The following CYB5A variants were observed in gnomAD, a reference collection of about 807,000 sequenced individuals.
CYB5A encodes cytochrome b5 type A.
In CYB5A, 10 loss-of-function variants were observed where a neutral mutation model predicts 16.2. The ratio of observed to expected loss-of-function variants is 0.62; its 90% CI spans 0.38 to 1.04. The LOEUF is 1.04. Among genes scored for constraint, CYB5A ranks in the 50% least tolerant of loss-of-function variants. The pLI is 0.01. For synonymous variants in CYB5A, 62 were observed against 57.0 expected (o/e 1.09, Z -0.40); for missense variants, 161 against 165.9 (o/e 0.97, Z 0.16).
At chr18:74,281,436 C>G (rs923631378) in intron 1 of CYB5A, among the ~76,000 whole-genome samples, 1 of 151,958 alleles carries the variant, frequency 6.6e-6, no homozygotes, top group Non-Finnish European at 1.5e-5. Flanking sequence ...ATAAGGAGGT[C>G]GGACAGAAGA....
At chr18:74,261,904 C>T (rs1220024363) in intron 2 of CYB5A, among the ~76,000 whole-genome samples, 3 of 152,072 alleles carry the variant, frequency 2.0e-5, no homozygotes, top group Non-Finnish European at 2.9e-5. Flanking sequence ...GGTCTTTGTC[C>T]CCTTCTGGCG....
intron 1 of CYB5A, chr18:74,291,156 C>T (rs1344355118): frequency 5.3e-6 from 1 of 189,994 alleles, no homozygotes; most frequent in East Asian, 1.6e-4. Context: ...TCCCCTCCGG[C>T]GGGATCCGCA....
chr18:74,265,318 TAC>T (rs1031530315), intron 1 of CYB5A, among the ~76,000 whole-genome samples: 1 of 152,080 alleles, frequency 6.6e-6, no homozygotes, highest in South Asian at 2.1e-4. Flanking sequence ...GAGCCAGACA[TAC>T]ACACACACGT....
intron 1 of CYB5A, among the ~76,000 whole-genome samples, chr18:74,267,958 T>C (rs916784795): frequency 2.0e-5 from 3 of 152,204 alleles, no homozygotes; most frequent in East Asian, 1.9e-4. Context: ...GAAGTGGGGA[T>C]GGGCATGGAG....
intron 1 of CYB5A, among the ~76,000 whole-genome samples, chr18:74,290,000 T>A (rs915198810): frequency 1.3e-5 from 2 of 152,172 alleles, no homozygotes; most frequent in East Asian, 3.8e-4. Flanking sequence ...TATTCTCTTA[T>A]GCTACTTCTT....
At chr18:74,288,183 G>A (rs897017103) in intron 1 of CYB5A, among the ~76,000 whole-genome samples, 6 of 152,202 alleles carry the variant, frequency 3.9e-5, no homozygotes, top group African/African-American at 1.4e-4. Context: ...TATTTCAGGA[G>A]GTCGGAGCAC....
chr18:74,270,762 CCTT>C (rs1258003592), intron 1 of CYB5A, among the ~76,000 whole-genome samples: 7 of 152,136 alleles, frequency 4.6e-5, no homozygotes, highest in Admixed American at 4.6e-4. Flanking sequence ...AATACTACAT[CCTT>C]CTACATCAGG....
At chr18:74,253,922 T>C (rs1318410120) in intron 4 of CYB5A, among the ~76,000 whole-genome samples, 1 of 152,238 alleles carries the variant, frequency 6.6e-6, no homozygotes, top group Non-Finnish European at 1.5e-5. Context: ...CTCACGCCTG[T>C]AATCCCAGCA....
chr18:74,266,787 T>C (rs1982452852), intron 1 of CYB5A, among the ~76,000 whole-genome samples: 1 of 151,026 alleles, frequency 6.6e-6, no homozygotes, highest in African/African-American at 2.4e-5. Flanking sequence ...CATCTTGGAT[T>C]ATATTGGTTT....
chr18:74,279,311 T>C (rs1982999943), intron 1 of CYB5A, among the ~76,000 whole-genome samples: 1 of 152,218 alleles, frequency 6.6e-6, no homozygotes, highest in African/African-American at 2.4e-5. Flanking sequence ...GCGGATCACC[T>C]GAGGTCAGGA....
At chr18:74,276,527 A>AGCACAC (rs1555689977) in intron 1 of CYB5A, among the ~76,000 whole-genome samples, 2 of 64,816 alleles carry the variant, frequency 3.1e-5, no homozygotes, top group Middle Eastern at 8.8e-3. Context: ...CAAAAGATTC[A>AGCACAC]GCACACACAC....
chr18:74,284,622 A>C (rs1413055487), intron 1 of CYB5A, among the ~76,000 whole-genome samples: 1 of 152,174 alleles, frequency 6.6e-6, no homozygotes, highest in Non-Finnish European at 1.5e-5. Flanking sequence ...CAGGCCCTCA[A>C]CTACAGAAGA....
intron 1 of CYB5A, among the ~76,000 whole-genome samples, chr18:74,266,218 GA>G (rs1982428820): frequency 6.6e-6 from 1 of 152,200 alleles, no homozygotes; most frequent in Non-Finnish European, 1.5e-5. Context: ...GTTGATTCCA[GA>G]AAAGTCTGCT....
chr18:74,286,659 T>C (rs1320486029), intron 1 of CYB5A, among the ~76,000 whole-genome samples: 1 of 152,170 alleles, frequency 6.6e-6, no homozygotes, highest in African/African-American at 2.4e-5. Context: ...GGTCTAGTTT[T>C]CCTAACCCCA....
At chr18:74,256,437 C>T (rs1489965441) in intron 3 of CYB5A, 2 of 206,916 alleles carry the variant, frequency 9.7e-6, no homozygotes, top group Non-Finnish European at 1.9e-5. Context: ...ATAAGGAAGC[C>T]CTGTTTTTAT....
chr18:74,280,577 CAAA>C (rs1298855875), intron 1 of CYB5A, among the ~76,000 whole-genome samples: 56 of 95,656 alleles, frequency 5.9e-4, no homozygotes, highest in African/African-American at 1.7e-3. Flanking sequence ...GACCCTGTCT[CAAA>C]AAAAAAAAAA....
chr18:74,273,787 T>G (rs1982763266), intron 1 of CYB5A, among the ~76,000 whole-genome samples: 1 of 152,188 alleles, frequency 6.6e-6, no homozygotes, highest in Admixed American at 6.5e-5. Flanking sequence ...CCCCCGGGGA[T>G]CACAACAGGC....
chr18:74,257,568 G>C (rs149298457), intron 3 of CYB5A: 10 of 152,348 alleles, frequency 6.6e-5, no homozygotes, highest in African/African-American at 2.4e-4. Context: ...TCTGCCACCT[G>C]TTCACTCCAT....
At chr18:74,261,018 G>C (rs1223617393) in intron 2 of CYB5A, 74 bp from the exon 3 acceptor site, 5 of 1,145,472 alleles carry the variant, frequency 4.4e-6, no homozygotes, top group Non-Finnish European at 2.6e-6. Context: ...TGCTGACTTT[G>C]AGACTTTTTA....
Sources: gnomAD v4.1 joint callset for allele counts (sites outside exome capture counted in the v4.1 genomes callset) on GRCh38, gnomAD v4.1.1 for gene constraint, MANE v1.5 for transcripts, NCBI Gene and HGNC (gene_info 2026-07-23, HGNC 2026-07-21) for gene names.